Variants in ERH observed in about 807,000 individuals in gnomAD.
ERH encodes enhancer of rudimentary homolog.
Under a neutral mutation model 16.8 loss-of-function variants are expected in ERH, and 1 was observed. The observed-to-expected ratio is 0.06, with a 90% CI of 0.02 to 0.28. The LOEUF (loss-of-function observed/expected upper bound fraction) is 0.28. ERH is among the 10% of genes least tolerant of loss of function. The pLI, the probability that ERH is intolerant of heterozygous loss-of-function variation, is 1.00. For synonymous variants in ERH, 43 were observed against 43.6 expected, an observed-to-expected ratio of 0.99 and a Z score of 0.05; for missense variants, 42 against 127.5, an observed-to-expected ratio of 0.33 and a Z score of 3.23.
At chr14:69,390,939 A>AT (rs2045920873) in intron 2 of ERH, among the ~76,000 whole-genome samples, 2 of 152,228 alleles carry the variant, frequency 1.3e-5, no homozygotes, top group South Asian at 4.1e-4. Context: ...AATTAAAACA[A>AT]TAAGATACCT....
intron 2 of ERH, 40 bp from the exon 3 acceptor site, chr14:69,387,123 C>G (rs1431786141): frequency 1.3e-6 from 2 of 1,584,998 alleles, no homozygotes; most frequent in South Asian, 2.2e-5. Flanking sequence ...CTTACAATCG[C>G]ATACACTTCT....
intron 2 of ERH, among the ~76,000 whole-genome samples, chr14:69,393,137 C>T (rs916562017): frequency 2.0e-5 from 3 of 152,024 alleles, no homozygotes; most frequent in Admixed American, 6.6e-5. Flanking sequence ...GCCAACGTGG[C>T]GAAACCCTGT....
chr14:69,397,954 C>T (rs1040399871), intron 1 of ERH: 2 of 589,032 alleles, frequency 3.4e-6, no homozygotes, highest in Non-Finnish European at 6.1e-6. Context: ...TCTCCCTCTA[C>T]CGAGTAACAA....
chr14:69,395,260 A>C (rs1349525069), intron 1 of ERH, among the ~76,000 whole-genome samples: 2 of 152,160 alleles, frequency 1.3e-5, no homozygotes, highest in African/African-American at 4.8e-5. Flanking sequence ...TGCCATGATC[A>C]CACCATTGCA....
chr14:69,396,571 G>C (rs1358842898), intron 1 of ERH, among the ~76,000 whole-genome samples: 1 of 152,142 alleles, frequency 6.6e-6, no homozygotes, highest in African/African-American at 2.4e-5. Context: ...AAAATGATCA[G>C]AATTTTTAAC....
intron 1 of ERH, 28 bp downstream of exon 1, chr14:69,398,203 C>G (rs760932928): frequency 1.9e-6 from 3 of 1,613,946 alleles, no homozygotes; most frequent in South Asian, 2.2e-5. Flanking sequence ...GGGACTCGGA[C>G]TCGGGTAGCC....
chr14:69,391,123 T>C (rs1420770037), intron 2 of ERH, among the ~76,000 whole-genome samples: 1 of 152,178 alleles, frequency 6.6e-6, no homozygotes, highest in Non-Finnish European at 1.5e-5. Flanking sequence ...ATCACTCTCC[T>C]ACGTATTTAC....
chr14:69,387,938 C>T (rs188448008), intron 2 of ERH, among the ~76,000 whole-genome samples: 6 of 152,116 alleles, frequency 3.9e-5, no homozygotes, highest in East Asian at 1.9e-4. Flanking sequence ...CCCAGCTACT[C>T]GGGAGGCTGA....
chr14:69,391,654 CAAAAAAAA>C (rs58399149), intron 2 of ERH, among the ~76,000 whole-genome samples: 4 of 21,944 alleles, frequency 1.8e-4, no homozygotes, highest in Non-Finnish European at 3.9e-4. Context: ...TCTCGCACGC[CAAAAAAAA>C]AAAAAAAAAA....
At chr14:69,385,212 A>G (rs901417371) in intron 3 of ERH, among the ~76,000 whole-genome samples, 2 of 152,184 alleles carry the variant, frequency 1.3e-5, no homozygotes, top group African/African-American at 4.8e-5. Flanking sequence ...CAGGTGAGAG[A>G]GACTAGGAAA....
At chr14:69,387,724 A>T (rs1029184611) in intron 2 of ERH, among the ~76,000 whole-genome samples, 8 of 134,508 alleles carry the variant, frequency 5.9e-5, no homozygotes, top group African/African-American at 1.1e-4. Context: ...GGCAACAAGG[A>T]AAGAGATTAT....
intron 1 of ERH, among the ~76,000 whole-genome samples, chr14:69,397,436 G>A (rs548898757): frequency 6.8e-6 from 1 of 147,914 alleles, no homozygotes; most frequent in Non-Finnish European, 1.5e-5. Flanking sequence ...GCAATACCTA[G>A]AGGTCTCAAA....
intron 3 of ERH, 81 bp from the exon 4 acceptor site, chr14:69,380,721 A>T: frequency 2.6e-6 from 2 of 772,464 alleles, no homozygotes; most frequent in Non-Finnish European, 4.6e-6. Context: ...TAACTGCCCA[A>T]TGATGGCATA....
chr14:69,384,179 A>G (rs545243006), intron 3 of ERH, among the ~76,000 whole-genome samples: 8 of 152,348 alleles, frequency 5.3e-5, no homozygotes, highest in South Asian at 2.1e-4. Context: ...ATTAAAATTC[A>G]TATCATTCTA....
chr14:69,380,223 T>A lies in ERH; in HGVS notation c.*315A>T. On this transcript the variant is annotated 3_prime_UTR_variant, in exon 4 of 4. Transcript: ENST00000557016. Reference sequence around the variant, plus strand: ...CCCCCCACCCCATCTTGAAGAAGGGTTAGTATGTGAATGTTATAAAGTAGA... The same window carrying A: ...CCCCCCACCCCATCTTGAAGAAGGGATAGTATGTGAATGTTATAAAGTAGA... The A allele has an allele frequency of 5.4e-6, 1 of 186,726 alleles. No individual in the cohort carries two copies. The highest frequency in any genetic ancestry group is 1.1e-5 in the Non-Finnish European group (1 of 92,080). The allele number at this position is 186,726 out of a possible 1,614,324, so 11.6% of individuals were successfully genotyped here. A position where few individuals can be genotyped will look rare whatever the true frequency, so the allele number is the denominator to read the frequency against.
intron 3 of ERH, among the ~76,000 whole-genome samples, chr14:69,383,531 T>G (rs1181890149): frequency 6.6e-6 from 1 of 152,214 alleles, no homozygotes; most frequent in Non-Finnish European, 1.5e-5. Flanking sequence ...AAAAAGGACA[T>G]AACCAAAGTC....
chr14:69,391,292 A>G (rs1321922202), intron 2 of ERH, among the ~76,000 whole-genome samples: 1 of 152,186 alleles, frequency 6.6e-6, no homozygotes, highest in Non-Finnish European at 1.5e-5. Context: ...AATATTATTC[A>G]GCAATAAAAA....
chr14:69,389,226 G>T (rs966098278), intron 2 of ERH, among the ~76,000 whole-genome samples: 1 of 151,938 alleles, frequency 6.6e-6, no homozygotes, highest in African/African-American at 2.4e-5. Flanking sequence ...GGGGTTTTGC[G>T]ATTTTGGCCA....
intron 1 of ERH, among the ~76,000 whole-genome samples, chr14:69,395,723 C>T (rs1248183510): frequency 6.6e-6 from 1 of 152,160 alleles, no homozygotes; most frequent in Non-Finnish European, 1.5e-5. Context: ...GATAAATTAG[C>T]AATATAAACA....
Sources: gnomAD v4.1 joint callset for allele counts (sites outside exome capture counted in the v4.1 genomes callset) on GRCh38, gnomAD v4.1.1 for gene constraint, MANE v1.5 for transcripts, NCBI Gene and HGNC (gene_info 2026-07-23, HGNC 2026-07-21) for gene names.